Variants in CACNA2D1 observed in about 807,000 individuals in gnomAD.
The protein encoded by CACNA2D1 is calcium voltage-gated channel auxiliary subunit alpha2delta 1.
CACNA2D1 carries 53 observed loss-of-function variants against 171.5 expected under a neutral mutation model. That is an observed-to-expected ratio of 0.31 (90% CI 0.25 to 0.39). The LOEUF (loss-of-function observed/expected upper bound fraction) is 0.39, where lower values mean the gene tolerates loss of function less well. CACNA2D1 is among the 10% of genes least tolerant of loss of function. The probability of loss-of-function intolerance (pLI) is 1.00; values close to 1 mark genes in which losing one functional copy is unlikely to be tolerated. For missense variants in CACNA2D1, 903 were observed against 1,299.8 expected, an observed-to-expected ratio of 0.69 and a Z score of 4.69; for synonymous variants, 442 against 443.1, an observed-to-expected ratio of 1.00 and a Z score of 0.03.
chr7:81,974,770 C>T (rs1459419601), intron 24 of CACNA2D1, among the ~76,000 whole-genome samples: 1 of 99,816 alleles, frequency 1.0e-5, no homozygotes, highest in East Asian at 3.0e-4. Context: ...GGCCTTTGGA[C>T]AGTAGGTGCT....
chr7:82,249,971 G>A (rs531275353), intron 3 of CACNA2D1, among the ~76,000 whole-genome samples: 21 of 152,318 alleles, frequency 1.4e-4, no homozygotes, highest in African/African-American at 4.6e-4. Context: ...AAGAACAGAA[G>A]TTTATTTGGC....
intron 1 of CACNA2D1, among the ~76,000 whole-genome samples, chr7:82,420,652 T>A (rs17156286): frequency 6.6e-6 from 1 of 152,328 alleles, no homozygotes; most frequent in African/African-American, 2.4e-5. Flanking sequence ...AAATCTTCTC[T>A]ATGATACACT....
At chr7:82,406,342 A>C (rs1235684282) in intron 1 of CACNA2D1, among the ~76,000 whole-genome samples, 2 of 152,176 alleles carry the variant, frequency 1.3e-5, no homozygotes, top group Non-Finnish European at 2.9e-5. Context: ...GAATAGTGCC[A>C]CAATAAACAT....
In CACNA2D1 at chr7:82,066,535, A is replaced by T; in HGVS notation, c.659-11T>A. On this transcript the variant is annotated splice_polypyrimidine_tract_variant and intron_variant, in intron 7 of 38. Coordinates refer to ENST00000356860, the MANE Select transcript of CACNA2D1 (RefSeq NM_000722.4). Reference sequence around the variant, plus strand: ...CAACCCATGGTGAAGCTAAAAAAAAAAAAAAAAGAGAGATATTAAATCAAA... The same window carrying T: ...CAACCCATGGTGAAGCTAAAAAAAATAAAAAAAGAGAGATATTAAATCAAA... 1 of 1,593,564 alleles carries T rather than the reference A, an allele frequency of 6.3e-7. No homozygotes were observed. Among genetic ancestry groups the T allele is most frequent in the Non-Finnish European group, 8.5e-7 (1 of 1,173,540 alleles).
At position 82,122,512 on chromosome 7, in the gene CACNA2D1, C is replaced by T. The variant is rs546704743; in HGVS notation, c.397-5339G>A. On this transcript the variant is annotated intron_variant, in intron 5 of 38. Coordinates refer to ENST00000356860, the MANE Select transcript of CACNA2D1 (RefSeq NM_000722.4). ...AAGGCGAGCCATTAGCAATACAATACAGTTGAGTATGATGGAAAAGAGTTG... is the reference window on the plus strand; with the variant it reads ...AAGGCGAGCCATTAGCAATACAATATAGTTGAGTATGATGGAAAAGAGTTG... 3.3e-3 allele frequency among the ~76,000 whole-genome samples: 503 copies of T among 152,250 alleles called. 6 individuals carry two copies. The highest frequency in any genetic ancestry group is 0.028 in the South Asian group (137 of 4,824).
chr7:82,316,761 C>T (rs1327916730), intron 3 of CACNA2D1, among the ~76,000 whole-genome samples: 1 of 152,104 alleles, frequency 6.6e-6, no homozygotes, highest in Non-Finnish European at 1.5e-5. Flanking sequence ...ACAGGAGAAG[C>T]AAAGGCATGC....
At chr7:82,173,822 T>C (rs1053658726) in intron 3 of CACNA2D1, among the ~76,000 whole-genome samples, 23 of 151,322 alleles carry the variant, frequency 1.5e-4, no homozygotes, top group African/African-American at 5.6e-4. Context: ...GTGGGGAAAA[T>C]CTCTTGAGGC....
chr7:82,005,287 TAAG>T, intron 18 of CACNA2D1, 133 bp downstream of exon 18: 1 of 680,220 alleles, frequency 1.5e-6, no homozygotes, highest in East Asian at 2.7e-5. Flanking sequence ...CCTTGTCATC[TAAG>T]AAGAGAGACG....
In CACNA2D1 at chr7:82,084,732, C is replaced by T. The variant is rs369274863; in HGVS notation, c.658+37G>A. The stretch of plus-strand genomic sequence containing the variant: ...AGAGTATTCTCCAGAAACATTGAGG[C>T]TGGAACTTGACAATGATTGAATCAC... On this transcript the variant is annotated intron_variant, in intron 7 of 38. Coordinates refer to ENST00000356860, the MANE Select transcript of CACNA2D1 (RefSeq NM_000722.4). 35 of 1,612,216 alleles carry T rather than the reference C, an allele frequency of 2.2e-5. No individual in the cohort carries two copies. The Admixed American group carries it at 4.8e-4, about 22-fold the overall frequency.
chr7:82,043,313 A>G (rs1297177506), intron 10 of CACNA2D1, among the ~76,000 whole-genome samples: 1 of 152,236 alleles, frequency 6.6e-6, no homozygotes, highest in African/African-American at 2.4e-5. Context: ...AGTCTGACAT[A>G]CAGTAGATGT....
At chr7:82,014,631 C>A in intron 12 of CACNA2D1, 152 bp from the exon 13 acceptor site, 1 of 639,434 alleles carries the variant, frequency 1.6e-6, no homozygotes, top group East Asian at 2.8e-5. Flanking sequence ...CAGAAAGAGA[C>A]CAGAGGAAAA....
intron 18 of CACNA2D1, chr7:82,001,755 T>C: frequency 1.3e-6 from 1 of 780,528 alleles, no homozygotes; most frequent in Non-Finnish European, 1.9e-6. Flanking sequence ...ATAGTACATG[T>C]CAACATAGGT....
chr7:82,431,580 T>G (rs1829677332), intron 1 of CACNA2D1, among the ~76,000 whole-genome samples: 1 of 152,138 alleles, frequency 6.6e-6, no homozygotes, highest in Non-Finnish European at 1.5e-5. Context: ...GGCAGCAAAG[T>G]TCAGCAGGTA....
chr7:82,160,225 C>G (rs372394035), intron 4 of CACNA2D1, among the ~76,000 whole-genome samples: 1 of 151,816 alleles, frequency 6.6e-6, no homozygotes, highest in African/African-American at 2.4e-5. Flanking sequence ...GCCAGGGCAA[C>G]CTTCAAGTCC....
intron 7 of CACNA2D1, among the ~76,000 whole-genome samples, chr7:82,078,632 G>C (rs1411478985): frequency 6.6e-6 from 1 of 152,162 alleles, no homozygotes; most frequent in Non-Finnish European, 1.5e-5. Context: ...TATGACTAGG[G>C]CTAGTCATTC....
At chr7:82,290,635 T>A (rs1811404699) in intron 3 of CACNA2D1, among the ~76,000 whole-genome samples, 1 of 150,930 alleles carries the variant, frequency 6.6e-6, no homozygotes, top group African/African-American at 2.4e-5. Flanking sequence ...TCGCTCTTGT[T>A]GCCCCAGCTG....
intron 3 of CACNA2D1, among the ~76,000 whole-genome samples, chr7:82,209,328 G>A (rs1327355936): frequency 6.6e-6 from 1 of 152,134 alleles, no homozygotes. Flanking sequence ...CATAGGGGTT[G>A]GTAGATTATT....
intron 4 of CACNA2D1, among the ~76,000 whole-genome samples, chr7:82,146,151 T>C (rs1209247390): frequency 1.3e-5 from 2 of 151,782 alleles, no homozygotes. Flanking sequence ...TCCATGTGTC[T>C]TTACTATGTT....
chr7:81,987,798 G>T (rs879898383), intron 21 of CACNA2D1, among the ~76,000 whole-genome samples: 1 of 152,102 alleles, frequency 6.6e-6, no homozygotes, highest in African/African-American at 2.4e-5. Context: ...CCTTGTCAGA[G>T]AACAGTGATA....
Sources: gnomAD v4.1 joint callset for allele counts (sites outside exome capture counted in the v4.1 genomes callset) on GRCh38, gnomAD v4.1.1 for gene constraint, MANE v1.5 for transcripts, NCBI Gene and HGNC (gene_info 2026-07-23, HGNC 2026-07-21) for gene names.